Variants in GABRB2 observed in about 807,000 individuals in gnomAD.
GABRB2 encodes the protein gamma-aminobutyric acid receptor subunit beta-2.
In GABRB2, 16 loss-of-function variants were observed where a neutral mutation model predicts 54.7. The ratio of observed to expected loss-of-function variants is 0.29; its 90% CI spans 0.20 to 0.44. The LOEUF (loss-of-function observed/expected upper bound fraction) is 0.44, where lower values mean the gene tolerates loss of function less well. Among genes scored for constraint, GABRB2 ranks in the 20% least tolerant of loss-of-function variants. The probability of loss-of-function intolerance (pLI) is 1.00; values close to 1 mark genes in which losing one functional copy is unlikely to be tolerated. For missense variants in GABRB2, 355 were observed against 644.0 expected (o/e 0.55, Z 4.86); for synonymous variants, 244 against 233.8 (o/e 1.04, Z -0.40).
intron 5 of GABRB2, among the ~76,000 whole-genome samples, chr5:161,357,093 A>C (rs1754654096): frequency 6.6e-6 from 1 of 152,326 alleles, no homozygotes; most frequent in Non-Finnish European, 1.5e-5. Flanking sequence ...ACTATGTTTG[A>C]AAATAATATG....
At chr5:161,331,947 C>T (rs1753857952) in intron 7 of GABRB2, among the ~76,000 whole-genome samples, 2 of 151,848 alleles carry the variant, frequency 1.3e-5, no homozygotes, top group African/African-American at 2.4e-5. Flanking sequence ...GGGTGGATCA[C>T]GAGGTCAGGA....
At chr5:161,445,077 ATTTTTTAAATTGGCTC>A in intron 4 of GABRB2, among the ~76,000 whole-genome samples, 1 of 152,214 alleles carries the variant, frequency 6.6e-6, no homozygotes, top group East Asian at 1.9e-4. Flanking sequence ...CATTCAGCAA[ATTTTTTAAATTGGCTC>A]TTGTAGGATG....
chr5:161,340,674 GA>G (rs907344101), intron 5 of GABRB2, among the ~76,000 whole-genome samples: 20 of 144,272 alleles, frequency 1.4e-4, no homozygotes, highest in Middle Eastern at 3.6e-3. Flanking sequence ...CTGTCAGGCA[GA>G]AAAAAAAAAG....
At chr5:161,346,288 CA>C (rs1165954280) in intron 5 of GABRB2, among the ~76,000 whole-genome samples, 1 of 152,074 alleles carries the variant, frequency 6.6e-6, no homozygotes, top group Non-Finnish European at 1.5e-5. Context: ...ACCACTCTGC[CA>C]CAATTTTCTC....
intron 3 of GABRB2, among the ~76,000 whole-genome samples, chr5:161,526,830 C>T (rs191461864): frequency 6.6e-6 from 1 of 151,224 alleles, no homozygotes. Flanking sequence ...TATGCAAGAC[C>T]TACATGGAGA....
rs1292728404 is a variant in GABRB2 at position 161,288,549 on chromosome 5, A to C, written c.*5532T>G. On this transcript the variant is annotated 3_prime_UTR_variant, in exon 10 of 10. Transcript: ENST00000393959. ...GTTTAAATTCAAGAAAATAATTCTT[A>C]TGTGCTATTCATTTATAATCCTCAT... The C allele has an allele frequency of 6.6e-6, 1 of 152,632 alleles. No homozygotes were observed. The highest frequency in any genetic ancestry group is 1.5e-5 in the Non-Finnish European group (1 of 68,022). The allele number at this position is 152,632 out of a possible 1,614,324, so 9.5% of individuals were successfully genotyped here. A position where few individuals can be genotyped will look rare whatever the true frequency, so the allele number is the denominator to read the frequency against.
At chr5:161,493,615 G>T (rs1489984251) in intron 3 of GABRB2, among the ~76,000 whole-genome samples, 1 of 151,686 alleles carries the variant, frequency 6.6e-6, no homozygotes, top group Non-Finnish European at 1.5e-5. Context: ...TGGAAAAACT[G>T]CTGTCTTTAT....
At chr5:161,403,452 T>C (rs983886414) in intron 5 of GABRB2, among the ~76,000 whole-genome samples, 1 of 152,118 alleles carries the variant, frequency 6.6e-6, no homozygotes, top group African/African-American at 2.4e-5. Context: ...AGGAAATGCA[T>C]ATAGGTTTTA....
intron 4 of GABRB2, among the ~76,000 whole-genome samples, chr5:161,430,612 T>A (rs1757146184): frequency 6.6e-6 from 1 of 152,150 alleles, no homozygotes; most frequent in Admixed American, 6.6e-5. Flanking sequence ...ATTGGATAGC[T>A]TGATAACATG....
chr5:161,356,936 G>C (rs983106166), intron 5 of GABRB2, among the ~76,000 whole-genome samples: 1 of 152,154 alleles, frequency 6.6e-6, no homozygotes, highest in Admixed American at 6.6e-5. Flanking sequence ...CATCCTATGT[G>C]CCAGGCACTG....
intron 4 of GABRB2, among the ~76,000 whole-genome samples, chr5:161,432,753 C>T (rs1757204508): frequency 6.6e-6 from 1 of 152,116 alleles, no homozygotes; most frequent in Non-Finnish European, 1.5e-5. Flanking sequence ...TTTCCAGTAC[C>T]TCAGAGTCCT....
At chr5:161,328,253 A>T (rs1758426832) in intron 8 of GABRB2, among the ~76,000 whole-genome samples, 2 of 152,316 alleles carry the variant, frequency 1.3e-5, no homozygotes, top group African/African-American at 2.4e-5. Flanking sequence ...ATGGTAGAGC[A>T]TATAGAACAC....
chr5:161,295,343 T>G (rs895247770), intron 9 of GABRB2, among the ~76,000 whole-genome samples: 2 of 152,192 alleles, frequency 1.3e-5, no homozygotes, highest in Non-Finnish European at 2.9e-5. Context: ...TCCCAAACAT[T>G]AAATTATTAC....
Position 161,428,174 on chromosome 5 carries a change from G to GT in GABRB2, c.459-17118dup, listed in dbSNP as rs577426552. Among the ~76,000 whole-genome samples, 58 of 152,098 alleles carry GT rather than the reference G, an allele frequency of 3.8e-4. No homozygotes were observed. The East Asian group carries it at 9.6e-3, about 25-fold the overall frequency. ...GCTCCTAAATCCTTTGTTTTGTTTT[G>GT]TTTTTTGTAGTTGCAACTTTGAGGT... is the stretch of plus-strand genomic sequence containing the variant. On this transcript the variant is annotated intron_variant, in intron 4 of 9. Transcript: ENST00000393959.
intron 5 of GABRB2, among the ~76,000 whole-genome samples, chr5:161,395,630 T>C (rs1365464173): frequency 6.6e-6 from 1 of 152,134 alleles, no homozygotes; most frequent in East Asian, 1.9e-4. Flanking sequence ...AAGAAAGGCT[T>C]TGCTAAGAAA....
At chr5:161,410,199 G>A (rs1756465894) in intron 5 of GABRB2, among the ~76,000 whole-genome samples, 1 of 152,092 alleles carries the variant, frequency 6.6e-6, no homozygotes, top group African/African-American at 2.4e-5. Context: ...GCAAAGAAGT[G>A]ACAGAGACTC....
chr5:161,332,161 G>A (rs1326550307), intron 7 of GABRB2, among the ~76,000 whole-genome samples: 4 of 87,426 alleles, frequency 4.6e-5, no homozygotes, highest in Admixed American at 2.8e-4. Context: ...GCAAGACTCC[G>A]TCTCAAAAAA....
intron 5 of GABRB2, among the ~76,000 whole-genome samples, chr5:161,359,544 G>A (rs764162915): frequency 2.6e-5 from 4 of 151,910 alleles, no homozygotes; most frequent in South Asian, 2.1e-4. Flanking sequence ...GAATAGGTAC[G>A]CTTTTACCAT....
chr5:161,462,204 C>G (rs1369427301), intron 3 of GABRB2, among the ~76,000 whole-genome samples: 1 of 152,114 alleles, frequency 6.6e-6, no homozygotes, highest in Non-Finnish European at 1.5e-5. Context: ...TTCGCTTTAG[C>G]GGATTACTCT....
Sources: gnomAD v4.1 joint callset for allele counts (sites outside exome capture counted in the v4.1 genomes callset) on GRCh38, gnomAD v4.1.1 for gene constraint, MANE v1.5 for transcripts, NCBI Gene and HGNC (gene_info 2026-07-23, HGNC 2026-07-21) for gene names.